SLC4A5: variants seen among roughly 807,000 people sequenced by gnomAD.
SLC4A5 encodes the protein solute carrier family 4 member 5.
A neutral mutation model predicts 120.4 loss-of-function variants in SLC4A5; 96 were observed. That is an observed-to-expected ratio of 0.80 (90% confidence interval 0.68 to 0.94). The LOEUF is 0.94. SLC4A5 is among the 40% of genes least tolerant of loss of function. SLC4A5 has a pLI of 0.00. For missense variants in SLC4A5, 1,259 were observed against 1,459.5 expected, an observed-to-expected ratio of 0.86 and a Z score of 2.24; for synonymous variants, 550 against 571.1, an observed-to-expected ratio of 0.96 and a Z score of 0.53.
chr2:74,302,271 T>C (rs993220462), intron 7 of SLC4A5, among the ~76,000 whole-genome samples: 1 of 151,954 alleles, frequency 6.6e-6, no homozygotes, highest in African/African-American at 2.4e-5. Context: ...CACACACACA[T>C]AGTATAGGAA....
chr2:74,285,447 T>C (rs1193559114), intron 8 of SLC4A5, among the ~76,000 whole-genome samples: 2 of 152,184 alleles, frequency 1.3e-5, no homozygotes, highest in Admixed American at 6.5e-5. Flanking sequence ...CTTGAATATA[T>C]GCGGATTTTG....
rs148395182 is a variant in SLC4A5 at position 74,325,489 on chromosome 2, G to A, written c.-3+2631C>T. ...AAACTCCCTGAGATGATCTTCAAAG[G>A]AGTCCATCCATCTGAAGCTGAGTGT... is the stretch of plus-strand genomic sequence containing the variant. On this transcript the variant is annotated intron_variant, in intron 5 of 30. Transcript: ENST00000394019. Among the ~76,000 whole-genome samples the A allele has an allele frequency of 3.0e-3, 456 of 152,256 alleles. 4 individuals are homozygous for A. Among genetic ancestry groups the A allele is most frequent in the African/African-American group, 6.4e-3 (266 of 41,546 alleles).
At chr2:74,315,471 T>TA (rs1672939802) in intron 5 of SLC4A5, among the ~76,000 whole-genome samples, 1 of 138,718 alleles carries the variant, frequency 7.2e-6, no homozygotes, top group African/African-American at 2.7e-5. Flanking sequence ...AAAAAGGACA[T>TA]ATAAACAAAT....
rs1460598942 is a variant in SLC4A5, at chr2:74,284,395, T to C, written c.401+1378A>G. Among the ~76,000 whole-genome samples the C allele has an allele frequency of 2.7e-5, 2 of 74,664 alleles. 1 individual carries two copies. The highest frequency in any genetic ancestry group is 3.7e-4 in the African/African-American group (2 of 5,464). The allele number at this position is 74,664 out of a possible 152,430, so 49.0% of individuals were successfully genotyped here. A position where few individuals can be genotyped will look rare whatever the true frequency, so the allele number is the denominator to read the frequency against. Reference sequence around the variant, plus strand: ...CGGGGTTTCACCTTGTTAGCCAGGATGGTCTCGATCTCCTGACCTCATGAT... The same window carrying C: ...CGGGGTTTCACCTTGTTAGCCAGGACGGTCTCGATCTCCTGACCTCATGAT... On this transcript the variant is annotated intron_variant, in intron 8 of 30. Transcript: ENST00000394019.
chr2:74,231,335 G>A (rs773491215), intron 24 of SLC4A5, 27 bp from the exon 25 acceptor site: 14 of 1,601,858 alleles, frequency 8.7e-6, no homozygotes, highest in Non-Finnish European at 1.2e-5. Context: ...CATGGTCAGG[G>A]TGTACCAGGA....
At chr2:74,299,983 T>A (rs1334478561) in intron 7 of SLC4A5, among the ~76,000 whole-genome samples, 1 of 152,102 alleles carries the variant, frequency 6.6e-6, no homozygotes, top group Non-Finnish European at 1.5e-5. Context: ...CACTGACAGA[T>A]GAAGGGATAA....
chr2:74,237,549 T>G (rs1670306992), intron 21 of SLC4A5, among the ~76,000 whole-genome samples: 1 of 152,206 alleles, frequency 6.6e-6, no homozygotes, highest in Admixed American at 6.5e-5. Flanking sequence ...AAAGCACCTT[T>G]TATTTAGTCT....
chr2:74,278,811 T>C (rs1393144682), intron 8 of SLC4A5, among the ~76,000 whole-genome samples: 3 of 152,154 alleles, frequency 2.0e-5, no homozygotes, highest in African/African-American at 4.8e-5. Context: ...ACCTTAAAAA[T>C]CTTCATCTGA....
rs954126602 is a variant in SLC4A5 at position 74,227,490 on chromosome 2, G to T, written c.2916+320C>A. The T allele has an allele frequency of 3.1e-6, 5 of 1,600,920 alleles. No homozygotes were observed. The African/African-American group carries it at 6.7e-5, about 21-fold the overall frequency. On this transcript the variant is annotated intron_variant, in intron 26 of 30. Coordinates refer to ENST00000394019, the Ensembl canonical transcript of SLC4A5. The stretch of plus-strand genomic sequence containing the variant: ...TCTTCTGCATAGCTGCCTTAGGGAA[G>T]AGAGAGAGGTACAGTGAAATGCTCA...
At chr2:74,328,972 A>T (rs1170209004) in intron 4 of SLC4A5, among the ~76,000 whole-genome samples, 1 of 149,934 alleles carries the variant, frequency 6.7e-6, no homozygotes, top group Admixed American at 6.7e-5. Flanking sequence ...AGCTAGAGAC[A>T]TTTTTTTTTT....
chr2:74,239,058 G>T (rs1012010245), intron 21 of SLC4A5, among the ~76,000 whole-genome samples: 1 of 152,184 alleles, frequency 6.6e-6, no homozygotes, highest in Non-Finnish European at 1.5e-5. Context: ...AGGAATAGCT[G>T]TATTTTCAAC....
intron 8 of SLC4A5, among the ~76,000 whole-genome samples, chr2:74,273,221 T>C (rs758674075): frequency 3.9e-5 from 6 of 152,194 alleles, no homozygotes; most frequent in Non-Finnish European, 8.8e-5. Context: ...TACATAAACA[T>C]TGTGATTGAA....
At chr2:74,276,963 G>T (rs573023203) in intron 8 of SLC4A5, among the ~76,000 whole-genome samples, 12 of 152,238 alleles carry the variant, frequency 7.9e-5, no homozygotes, top group Middle Eastern at 3.4e-3. Flanking sequence ...CCTGAGAGAA[G>T]CAGAGACCAG....
intron 5 of SLC4A5, among the ~76,000 whole-genome samples, chr2:74,317,717 T>G (rs1673001689): frequency 6.6e-6 from 1 of 152,240 alleles, no homozygotes; most frequent in African/African-American, 2.4e-5. Flanking sequence ...CTCAGCCCTT[T>G]GCCTGCTGGA....
At position 74,317,014 on chromosome 2, in the gene SLC4A5, G is replaced by T. The variant is rs181391757; in HGVS notation, c.-2-1989C>A. Among the ~76,000 whole-genome samples, 6 of 152,298 alleles carry T rather than the reference G, an allele frequency of 3.9e-5. No homozygotes were observed. The East Asian group carries it at 1.2e-3, about 29-fold the overall frequency. ...ATGGGCATGCGTAATATGCATGTTT[G>T]TTCAATACACATGCATCAGGACCAC... On this transcript the variant is annotated intron_variant, in intron 5 of 30. Transcript: ENST00000394019.
chr2:74,250,225 G>T, intron 17 of SLC4A5, 118 bp downstream of exon 17: 1 of 895,238 alleles, frequency 1.1e-6, no homozygotes, highest in East Asian at 2.5e-5. Context: ...AAATAGTGAT[G>T]GCCTCAACCT....
At chr2:74,258,091 G>A (rs1671025353) in intron 12 of SLC4A5, among the ~76,000 whole-genome samples, 1 of 152,216 alleles carries the variant, frequency 6.6e-6, no homozygotes, top group African/African-American at 2.4e-5. Context: ...AACCCTTGGG[G>A]ACTCCAATCT....
chr2:74,227,824 G>A (rs2103893407), exon 26 of SLC4A5: 1 of 1,610,820 alleles, frequency 6.2e-7, no homozygotes, highest in East Asian at 2.2e-5. Flanking sequence ...ATGCCATTCA[G>A]GGAGGCCACG....
intron 8 of SLC4A5, among the ~76,000 whole-genome samples, chr2:74,266,097 G>C (rs1449863937): frequency 2.0e-5 from 3 of 152,174 alleles, no homozygotes; most frequent in Admixed American, 6.5e-5. Flanking sequence ...GGTAAATGTA[G>C]GAGAATGGTG....
Sources: gnomAD v4.1 joint callset for allele counts (sites outside exome capture counted in the v4.1 genomes callset) on GRCh38, gnomAD v4.1.1 for gene constraint, MANE v1.5 for transcripts, NCBI Gene and HGNC (gene_info 2026-07-23, HGNC 2026-07-21) for gene names.